The following DNAI1 variants were observed in gnomAD, a reference collection of about 807,000 sequenced individuals.
DNAI1 encodes dynein, axonemal, intermediate polypeptide 1.
In DNAI1, 67 loss-of-function variants were observed where a neutral mutation model predicts 92.0. The ratio of observed to expected loss-of-function variants is 0.73; its 90% CI spans 0.60 to 0.89. The LOEUF (loss-of-function observed/expected upper bound fraction) is 0.89. Ranked by LOEUF, DNAI1 falls within the 40% of genes least tolerant of loss-of-function variation. The pLI, the probability that DNAI1 is intolerant of heterozygous loss-of-function variation, is 0.00. For missense variants in DNAI1, 839 were observed against 866.6 expected (o/e 0.97, Z 0.40); for synonymous variants, 323 against 319.6 (o/e 1.01, Z -0.11).
At chr9:34,468,672 TAAAAA>T (rs1824084651) in intron 1 of DNAI1, among the ~76,000 whole-genome samples, 1 of 151,524 alleles carries the variant, frequency 6.6e-6, no homozygotes, top group African/African-American at 2.4e-5. Flanking sequence ...ACAAAAAATT[TAAAAA>T]TTAGCCAGGC....
chr9:34,515,186 T>C (rs2132084653), intron 18 of DNAI1, among the ~76,000 whole-genome samples: 1 of 152,328 alleles, frequency 6.6e-6, no homozygotes, highest in South Asian at 2.1e-4. Flanking sequence ...AGGGGGCTAT[T>C]CAACACTGAG....
intron 9 of DNAI1, among the ~76,000 whole-genome samples, chr9:34,494,013 G>C (rs186235656): frequency 6.6e-6 from 1 of 152,174 alleles, no homozygotes; most frequent in Non-Finnish European, 1.5e-5. Context: ...ACGCTGAAGG[G>C]CCACATTTGT....
At position 34,469,352 on chromosome 9, in the gene DNAI1, ACCT is replaced by A; in HGVS notation, c.48+10303_48+10305del. Among the ~76,000 whole-genome samples the A allele has an allele frequency of 1.4e-5, 2 of 139,944 alleles. 1 individual carries two copies. The highest frequency in any genetic ancestry group is 4.6e-4 in the South Asian group (2 of 4,394). The allele number at this position is 139,944 out of a possible 152,430, so 91.8% of individuals were successfully genotyped here. On this transcript the variant is annotated intron_variant, in intron 1 of 19. Coordinates refer to ENST00000242317, the MANE Select transcript of DNAI1 (RefSeq NM_012144.4). ...ATGCTCACAGCTCACTGGAGACTTG[ACCT>A]CCTGGGCTCAAGTGATCCTCCTGCC...
At position 34,500,827 on chromosome 9, in the gene DNAI1, C is replaced by T; in HGVS notation, c.1007C>T (p.Thr336Ile). Residue 336 changes from threonine (T) to isoleucine (I), a missense_variant, in exon 11 of 20, where the codon ACT (threonine) becomes ATT (isoleucine). Thr to Ile is a moderately conservative substitution (Grantham distance 89). Coordinates refer to ENST00000242317, the MANE Select transcript of DNAI1 (RefSeq NM_012144.4). Reference protein sequence around the residue: ...QNDKAKRLSVTALCWNPKYRD... With the variant: ...QNDKAKRLSVIALCWNPKYRD... Reference sequence around the variant, plus strand: ...GACAAAGCCAAGCGCCTGTCCGTCACTGCCCTCTGCTGGTAAGTATAGGCA... The same window carrying T: ...GACAAAGCCAAGCGCCTGTCCGTCATTGCCCTCTGCTGGTAAGTATAGGCA... 6.2e-7 allele frequency: 1 copy of T among 1,613,840 alleles called. No homozygotes were observed. The highest frequency in any genetic ancestry group is 2.2e-5 in the East Asian group (1 of 44,888).
At position 34,484,974 on chromosome 9, in the gene DNAI1, C is replaced by G. The variant is rs1824441529; in HGVS notation, c.82-168C>G. The stretch of plus-strand genomic sequence containing the variant: ...TCTTCCAGGCAATGAGAACTCTGGC[C>G]TGAGCAGTTCTTTTGGACTCTTTCA... On this transcript the variant is annotated intron_variant, in intron 2 of 19. Coordinates refer to ENST00000242317, the MANE Select transcript of DNAI1 (RefSeq NM_012144.4). The G allele has an allele frequency of 1.9e-5, 13 of 675,608 alleles. No homozygotes were observed. The South Asian group carries it at 2.1e-4, about 11-fold the overall frequency. 41.9% of individuals were successfully genotyped at this position (675,608 alleles called of 1,614,324 possible). A position where few individuals can be genotyped will look rare whatever the true frequency, so the allele number is the denominator to read the frequency against.
At chr9:34,512,015 C>A in intron 13 of DNAI1, 94 bp from the exon 14 acceptor site, 1 of 1,199,130 alleles carries the variant, frequency 8.3e-7, no homozygotes, top group Non-Finnish European at 1.2e-6. Flanking sequence ...TGCTTCTGAG[C>A]CTCAGATGGG....
At position 34,504,909 on chromosome 9, in the gene DNAI1, G is replaced by C. The variant is rs547107566; in HGVS notation, c.1064-1718G>C. Among the ~76,000 whole-genome samples, 306 of 152,234 alleles carry C rather than the reference G, an allele frequency of 2.0e-3. 1 individual carries two copies. Among genetic ancestry groups the C allele is most frequent in the South Asian group, 8.3e-3 (40 of 4,820 alleles). ...GCTGAGGTATGGGAAATGGAGAGAG[G>C]GTTTCATTATTGTCATCAGAAGGGC... On this transcript the variant is annotated intron_variant, in intron 12 of 19. Coordinates refer to ENST00000242317, the MANE Select transcript of DNAI1 (RefSeq NM_012144.4).
chr9:34,508,608 C>A (rs1028502728), intron 13 of DNAI1, among the ~76,000 whole-genome samples: 5 of 152,148 alleles, frequency 3.3e-5, no homozygotes, highest in African/African-American at 1.2e-4. Flanking sequence ...TCAGATAGCC[C>A]AGGGCCAAGC....
In DNAI1 at chr9:34,520,850, C is replaced by T; in HGVS notation, c.*94C>T. Reference sequence around the variant, plus strand: ...CCCAGCCTTAGCACCCAGCATGTGACCCCACTCCTGATCAGGTCCCAGCAT... The same window carrying T: ...CCCAGCCTTAGCACCCAGCATGTGATCCCACTCCTGATCAGGTCCCAGCAT... On this transcript the variant is annotated 3_prime_UTR_variant, in exon 20 of 20. Transcript: ENST00000242317. 1 of 1,200,366 alleles carries T rather than the reference C, an allele frequency of 8.3e-7. No homozygotes were observed. The allele number at this position is 1,200,366 out of a possible 1,614,324, so 74.4% of individuals were successfully genotyped here. A position where few individuals can be genotyped will look rare whatever the true frequency, so the allele number is the denominator to read the frequency against.
intron 1 of DNAI1, among the ~76,000 whole-genome samples, chr9:34,480,272 CTTTTTTTTTT>C (rs202115133): frequency 3.0e-5 from 3 of 99,434 alleles, no homozygotes; most frequent in East Asian, 5.1e-4. Flanking sequence ...TTTGGTGGAA[CTTTTTTTTTT>C]TTTTTTTTTT....
chr9:34,502,539 C>T (rs921284627), intron 12 of DNAI1, among the ~76,000 whole-genome samples: 4 of 152,102 alleles, frequency 2.6e-5, no homozygotes, highest in African/African-American at 4.8e-5. Flanking sequence ...CGCTATTCTC[C>T]CCGCACCCAG....
At chr9:34,476,872 C>T (rs1323080183) in intron 1 of DNAI1, among the ~76,000 whole-genome samples, 2 of 152,166 alleles carry the variant, frequency 1.3e-5, no homozygotes, top group African/African-American at 2.4e-5. Context: ...GCTTACATGG[C>T]TCTTTCCTAC....
chr9:34,470,015 G>A (rs1361906693), intron 1 of DNAI1, among the ~76,000 whole-genome samples: 1 of 152,246 alleles, frequency 6.6e-6, no homozygotes, highest in Non-Finnish European at 1.5e-5. Context: ...TGAAGTAGTG[G>A]TGGTAAATAG....
chr9:34,482,665 A>C (rs958726945), intron 1 of DNAI1, among the ~76,000 whole-genome samples: 1 of 152,278 alleles, frequency 6.6e-6, no homozygotes, highest in Non-Finnish European at 1.5e-5. Context: ...AAGACTCTCC[A>C]CGTCCCCACC....
At chr9:34,507,570 G>T (rs1465956322) in intron 13 of DNAI1, among the ~76,000 whole-genome samples, 1 of 152,200 alleles carries the variant, frequency 6.6e-6, no homozygotes, top group Non-Finnish European at 1.5e-5. Context: ...CTCATGGATG[G>T]CAGGGGCAGA....
At chr9:34,507,416 T>C (rs1232831358) in intron 13 of DNAI1, among the ~76,000 whole-genome samples, 2 of 152,214 alleles carry the variant, frequency 1.3e-5, no homozygotes, top group East Asian at 3.8e-4. Context: ...AAAGAAAATA[T>C]GTTATTAGGA....
At chr9:34,485,287 T>C (rs1824448338) in intron 3 of DNAI1, 47 bp downstream of exon 3, 1 of 1,611,678 alleles carries the variant, frequency 6.2e-7, no homozygotes, top group East Asian at 2.2e-5. Flanking sequence ...TCTTCCAGTT[T>C]CGGAGATGTG....
intron 19 of DNAI1, 23 bp downstream of exon 19, chr9:34,517,490 C>T: frequency 6.2e-7 from 1 of 1,614,020 alleles, no homozygotes; most frequent in Non-Finnish European, 8.5e-7. Context: ...GGACTTTGAG[C>T]TGCTGCAAGA....
intron 11 of DNAI1, 97 bp from the exon 12 acceptor site, chr9:34,501,041 G>C (rs1450239302): frequency 9.1e-7 from 1 of 1,098,900 alleles, no homozygotes; most frequent in African/African-American, 1.5e-5. Flanking sequence ...ACAGATGTCT[G>C]TAGTATATTT....
Sources: gnomAD v4.1 joint callset for allele counts (sites outside exome capture counted in the v4.1 genomes callset) on GRCh38, gnomAD v4.1.1 for gene constraint, MANE v1.5 for transcripts, NCBI Gene and HGNC (gene_info 2026-07-23, HGNC 2026-07-21) for gene names.